The following ACSM1 variants were observed in gnomAD, a reference collection of about 807,000 sequenced individuals.
ACSM1 encodes the protein acyl-CoA synthetase medium chain family member 1.
A neutral mutation model predicts 75.8 loss-of-function variants in ACSM1; 79 were observed. That is an observed-to-expected ratio of 1.04 (90% confidence interval 0.87 to 1.26). ACSM1 has a LOEUF of 1.26. ACSM1 is among the 50% of genes most tolerant of loss of function. ACSM1 has a pLI of 0.00. For missense variants in ACSM1, 676 were observed against 720.1 expected (o/e 0.94, Z 0.70); for synonymous variants, 279 against 265.8 (o/e 1.05, Z -0.48).
intron 7 of ACSM1, among the ~76,000 whole-genome samples, chr16:20,659,811 T>A (rs138610512): frequency 6.6e-6 from 1 of 152,156 alleles, no homozygotes; most frequent in South Asian, 2.1e-4. Context: ...CTCTGCACAA[T>A]AAAACTTGGT....
intron 5 of ACSM1, among the ~76,000 whole-genome samples, chr16:20,671,243 T>C (rs2019876489): frequency 6.6e-6 from 1 of 152,138 alleles, no homozygotes; most frequent in Non-Finnish European, 1.5e-5. Context: ...CTACTGTCTC[T>C]ACCCACATTT....
rs765765667 is a variant in ACSM1, at chr16:20,627,299, T to C, written c.1317A>G (p.Thr439=). ...FMCYEGDPEK[T]AKVECGDFYN... The stretch of plus-strand genomic sequence containing the variant: ...AGAAGTCCCCACATTCCACTTTAGC[T>C]GTCTTCTCTGGGTCACCCTGCAAAA... Residue 439 remains threonine, a synonymous_variant, in exon 11 of 14, where the codon ACA becomes ACG. Transcript: ENST00000520010. 6.3e-7 allele frequency: 1 copy of C among 1,578,726 alleles called. No individual in the cohort carries two copies. Among genetic ancestry groups the C allele is most frequent in the South Asian group, 1.2e-5 (1 of 84,128 alleles).
Position 20,637,371 on chromosome 16 carries a change from C to G in ACSM1, c.1197G>C (p.Gln399His). Reference protein sequence around the residue: ...MGKATPPYDVQVIDDKGSILP... With the variant: ...MGKATPPYDVHVIDDKGSILP... ...CCTGCCAATGCCCTTAGGACCAGACCTGGACGTCGTAGGGTGGAGTGGCCT... is the reference window on the plus strand; with the variant it reads ...CCTGCCAATGCCCTTAGGACCAGACGTGGACGTCGTAGGGTGGAGTGGCCT... Residue 399 changes from glutamine (Q) to histidine (H), a missense_variant and splice_region_variant, in exon 9 of 14, where the codon CAG becomes CAC. By Grantham distance (24) the Gln-to-His change is conservative. Coordinates refer to ENST00000520010, the MANE Select transcript of ACSM1 (RefSeq NM_001318890.3). 2 of 1,614,068 alleles carry G rather than the reference C, an allele frequency of 1.2e-6. No individual in the cohort carries two copies. Among genetic ancestry groups the G allele is most frequent in the South Asian group, 2.2e-5 (2 of 91,088 alleles).
chr16:20,631,420 G>A (rs2017337681), intron 10 of ACSM1, among the ~76,000 whole-genome samples: 1 of 152,130 alleles, frequency 6.6e-6, no homozygotes, highest in Non-Finnish European at 1.5e-5. Flanking sequence ...ACTGCTGGTG[G>A]GAATGTAAAT....
At chr16:20,668,997 ACT>A (rs1164817472) in intron 6 of ACSM1, among the ~76,000 whole-genome samples, 1 of 152,106 alleles carries the variant, frequency 6.6e-6, no homozygotes, top group African/African-American at 2.4e-5. Context: ...AGGAGACAGA[ACT>A]CTGCAGTGGT....
At chr16:20,626,747 A>G (rs1367407331) in intron 11 of ACSM1, among the ~76,000 whole-genome samples, 1 of 151,958 alleles carries the variant, frequency 6.6e-6, no homozygotes, top group East Asian at 1.9e-4. Flanking sequence ...TAGATTTATT[A>G]TGCTCATAGA....
chr16:20,669,758 T>C (rs1343028766), intron 6 of ACSM1, 69 bp downstream of exon 6: 4 of 1,509,250 alleles, frequency 2.7e-6, no homozygotes, highest in Non-Finnish European at 3.6e-6. Flanking sequence ...AAATATTTTT[T>C]TAGCAAGGTC....
intron 10 of ACSM1, among the ~76,000 whole-genome samples, chr16:20,636,088 G>T (rs570049290): frequency 6.6e-6 from 1 of 152,156 alleles, no homozygotes; most frequent in African/African-American, 2.4e-5. Flanking sequence ...CAGGACAGCC[G>T]CCAATGAAAG....
intron 7 of ACSM1, among the ~76,000 whole-genome samples, chr16:20,654,499 C>T (rs2018835996): frequency 6.6e-6 from 1 of 152,188 alleles, no homozygotes; most frequent in Non-Finnish European, 1.5e-5. Flanking sequence ...GCCATCTACT[C>T]ATCTGACAAA....
At chr16:20,655,100 G>T (rs1405908970) in intron 7 of ACSM1, among the ~76,000 whole-genome samples, 1 of 152,016 alleles carries the variant, frequency 6.6e-6, no homozygotes, top group Non-Finnish European at 1.5e-5. Context: ...CCTTTCTAGG[G>T]ACGTGGATGA....
rs372556564 is a variant in ACSM1, at chr16:20,685,414, C to T, written c.193-11G>A. On this transcript the variant is annotated splice_polypyrimidine_tract_variant and intron_variant, in intron 2 of 13. Coordinates refer to ENST00000520010, the MANE Select transcript of ACSM1 (RefSeq NM_001318890.3). Reference sequence around the variant, plus strand: ...ACCTCTCTTGCCCTCCTGGTCAAGACCATATATTATGTGTTATTTTCTGCT... The same window carrying T: ...ACCTCTCTTGCCCTCCTGGTCAAGATCATATATTATGTGTTATTTTCTGCT... 3 of 1,611,874 alleles carry T rather than the reference C, an allele frequency of 1.9e-6. No homozygotes were observed. Among genetic ancestry groups the T allele is most frequent in the African/African-American group, 2.7e-5 (2 of 74,876 alleles).
chr16:20,629,751 T>C (rs1007815159), intron 10 of ACSM1, among the ~76,000 whole-genome samples: 5 of 152,152 alleles, frequency 3.3e-5, no homozygotes, highest in Non-Finnish European at 5.9e-5. Context: ...CCCAGCATTT[T>C]TGGAGGCTGA....
chr16:20,626,848 C>A (rs1055689178), intron 11 of ACSM1, among the ~76,000 whole-genome samples: 6 of 152,070 alleles, frequency 3.9e-5, no homozygotes, highest in African/African-American at 1.4e-4. Flanking sequence ...ACATTTGGTG[C>A]TGCATTAGAG....
At chr16:20,636,024 T>A (rs1486980005) in intron 10 of ACSM1, among the ~76,000 whole-genome samples, 3 of 152,140 alleles carry the variant, frequency 2.0e-5, no homozygotes, top group Non-Finnish European at 4.4e-5. Context: ...GTCAAAAGTA[T>A]CACAAAGGAA....
Position 20,637,564 on chromosome 16 carries a change from G to A in ACSM1, c.1117-113C>T, listed in dbSNP as rs920836930. 4.2e-6 allele frequency: 4 copies of A among 962,908 alleles called. No individual in the cohort carries two copies. The African/African-American group carries it at 6.4e-5, about 15-fold the overall frequency. The allele number at this position is 962,908 out of a possible 1,614,324, so 59.6% of individuals were successfully genotyped here. ...CAGAGATGTAGTATTCCTCTCAATGGATGCTGCCCAAAGAGCCCTCGTAGG... is the reference window on the plus strand; with the variant it reads ...CAGAGATGTAGTATTCCTCTCAATGAATGCTGCCCAAAGAGCCCTCGTAGG... On this transcript the variant is annotated intron_variant, in intron 8 of 13. Coordinates refer to ENST00000520010, the MANE Select transcript of ACSM1 (RefSeq NM_001318890.3).
chr16:20,638,753 G>A (rs907474182), intron 8 of ACSM1, among the ~76,000 whole-genome samples: 2 of 152,220 alleles, frequency 1.3e-5, no homozygotes, highest in African/African-American at 4.8e-5. Flanking sequence ...GGGATAGGAA[G>A]ATCTTTGCCC....
At chr16:20,653,001 T>C (rs2018732830) in intron 7 of ACSM1, among the ~76,000 whole-genome samples, 1 of 152,168 alleles carries the variant, frequency 6.6e-6, no homozygotes, top group Non-Finnish European at 1.5e-5. Context: ...GTAAAAATGC[T>C]GAAGAAAATA....
intron 7 of ACSM1, among the ~76,000 whole-genome samples, chr16:20,646,332 G>A (rs920555757): frequency 6.6e-6 from 1 of 152,230 alleles, no homozygotes; most frequent in Admixed American, 6.5e-5. Context: ...AAGGCCCACT[G>A]CCCGAGGGGA....
chr16:20,682,018 T>G, intron 4 of ACSM1: 1 of 431,920 alleles, frequency 2.3e-6, no homozygotes, highest in East Asian at 4.1e-5. Flanking sequence ...ATAACTGTCT[T>G]TGTTTCTCAC....
Sources: allele counts gnomAD v4.1 joint callset (sites outside exome capture counted in the v4.1 genomes callset), GRCh38; gene constraint gnomAD v4.1.1; transcripts MANE v1.5; gene names NCBI Gene and HGNC (gene_info 2026-07-23, HGNC 2026-07-21).